Variants in DTNA observed in about 807,000 individuals in gnomAD.
The protein encoded by DTNA is dystrophin-related protein 3.
In DTNA, 43 loss-of-function variants were observed where a neutral mutation model predicts 100.7. The ratio of observed to expected loss-of-function variants is 0.43; its 90% CI spans 0.33 to 0.55. The LOEUF (loss-of-function observed/expected upper bound fraction) is 0.55, where lower values mean the gene tolerates loss of function less well. DTNA is among the 20% of genes least tolerant of loss of function. The pLI, the probability that DTNA is intolerant of heterozygous loss-of-function variation, is 0.04. For missense variants in DTNA, 798 were observed against 953.9 expected (o/e 0.84, Z 2.15); for synonymous variants, 349 against 347.9 (o/e 1.00, Z -0.04).
chr18:34,753,380 T>A (rs2092519068), intron 1 of DTNA, among the ~76,000 whole-genome samples: 2 of 2,786 alleles, frequency 7.2e-4, no homozygotes, highest in African/African-American at 3.0e-3. Context: ...TTTTTTTTTT[T>A]TTATTTTTTA....
At chr18:34,738,488 A>G (rs1355039117) in intron 1 of DTNA, among the ~76,000 whole-genome samples, 15 of 141,716 alleles carry the variant, frequency 1.1e-4, no homozygotes, top group Admixed American at 1.0e-3. Flanking sequence ...GCTTTTTGCC[A>G]TTTAAAACAT....
At chr18:34,500,610 C>A (rs2039802667) in intron 1 of DTNA, among the ~76,000 whole-genome samples, 1 of 151,288 alleles carries the variant, frequency 6.6e-6, no homozygotes, top group South Asian at 2.1e-4. Context: ...ATTACAGGCA[C>A]CCACCCCCAC....
At chr18:34,770,416 T>C (rs958482720) in intron 3 of DTNA, among the ~76,000 whole-genome samples, 2 of 152,220 alleles carry the variant, frequency 1.3e-5, no homozygotes, top group Non-Finnish European at 2.9e-5. Flanking sequence ...ATTTCTTTTT[T>C]ATCTATTATC....
chr18:34,644,777 G>C (rs182448649), intron 1 of DTNA, among the ~76,000 whole-genome samples: 15 of 152,176 alleles, frequency 9.9e-5, no homozygotes, highest in Admixed American at 8.5e-4. Flanking sequence ...GCGTTTCCTA[G>C]TATTGCTGCA....
At chr18:34,748,671 A>T (rs1187846586) in intron 1 of DTNA, among the ~76,000 whole-genome samples, 1 of 152,056 alleles carries the variant, frequency 6.6e-6, no homozygotes, top group East Asian at 1.9e-4. Context: ...CTATGTGCTT[A>T]TTTTTATACC....
chr18:34,590,565 G>T (rs2049609130), intron 1 of DTNA, among the ~76,000 whole-genome samples: 1 of 152,108 alleles, frequency 6.6e-6, no homozygotes. Flanking sequence ...TGAACACCTT[G>T]GTCACCCCTG....
chr18:34,768,640 G>A (rs746523143), intron 3 of DTNA, among the ~76,000 whole-genome samples: 8 of 152,200 alleles, frequency 5.3e-5, no homozygotes, highest in Non-Finnish European at 1.0e-4. Flanking sequence ...TAGAGAAGAA[G>A]TGAGGATGCT....
intron 1 of DTNA, among the ~76,000 whole-genome samples, chr18:34,505,307 C>A (rs2040377542): frequency 6.6e-6 from 1 of 152,190 alleles, no homozygotes; most frequent in African/African-American, 2.4e-5. Flanking sequence ...CTCTTTGCCT[C>A]CCTCCTTTAA....
At chr18:34,607,245 G>C (rs1041506564) in intron 1 of DTNA, among the ~76,000 whole-genome samples, 6 of 152,152 alleles carry the variant, frequency 3.9e-5, no homozygotes, top group Non-Finnish European at 2.9e-5. Context: ...TGACTGAGAA[G>C]TGCAGCTGTA....
chr18:34,761,326 TA>T (rs2148379210), intron 2 of DTNA, among the ~76,000 whole-genome samples: 1 of 152,300 alleles, frequency 6.6e-6, no homozygotes, highest in East Asian at 1.9e-4. Context: ...AATGGCTATA[TA>T]ATGAGCTATC....
At chr18:34,877,876 C>T in intron 19 of DTNA, 68 bp downstream of exon 19, 1 of 1,273,876 alleles carries the variant, frequency 7.9e-7, no homozygotes, top group East Asian at 2.3e-5. Flanking sequence ...AGGGGTCTCT[C>T]TTAGAGATCT....
intron 1 of DTNA, among the ~76,000 whole-genome samples, chr18:34,533,042 A>G (rs1601564659): frequency 6.6e-6 from 1 of 152,054 alleles, no homozygotes; most frequent in Non-Finnish European, 1.5e-5. Flanking sequence ...ACTTTGGGAG[A>G]TGTCAAAAGT....
intron 1 of DTNA, among the ~76,000 whole-genome samples, chr18:34,731,246 G>A (rs935249376): frequency 2.6e-5 from 4 of 152,128 alleles, no homozygotes; most frequent in Non-Finnish European, 5.9e-5. Context: ...TTGGGAGGCC[G>A]AGGCGGGTGG....
rs552556332 is a variant in DTNA at position 34,827,769 on chromosome 18, A to G, written c.1085+93A>G. The G allele has an allele frequency of 1.7e-5, 21 of 1,259,270 alleles. No homozygotes were observed. In the East Asian group the frequency reaches 4.2e-4, roughly 25 times the overall value. 78.0% of individuals were successfully genotyped at this position (1,259,270 alleles called of 1,614,324 possible). On this transcript the variant is annotated intron_variant, in intron 10 of 22. Transcript: ENST00000444659. The stretch of plus-strand genomic sequence containing the variant: ...AAATATTCTCATGCAAGCCAAGGGC[A>G]GAATATTGTTACTAGAAACTAACTT...
chr18:34,696,433 C>T (rs1467446309), intron 1 of DTNA, among the ~76,000 whole-genome samples: 2 of 152,076 alleles, frequency 1.3e-5, no homozygotes, highest in Non-Finnish European at 2.9e-5. Context: ...CAAAAATTAG[C>T]TGGGCCTGGT....
Position 34,882,054 on chromosome 18 carries a change from G to A in DTNA, c.2163-15G>A, listed in dbSNP as rs2096878641. 1 of 1,613,944 alleles carries A rather than the reference G, an allele frequency of 6.2e-7. No individual in the cohort carries two copies. Among genetic ancestry groups the A allele is most frequent in the Non-Finnish European group, 8.5e-7 (1 of 1,179,968 alleles). On this transcript the variant is annotated splice_polypyrimidine_tract_variant and intron_variant, in intron 20 of 22. Coordinates refer to ENST00000444659, the MANE Select transcript of DTNA (RefSeq NM_001386795.1). ...TAAGATTTGCTCTAACATGTCATCT[G>A]TGGTTTATTTTCAGGGTTACGGAGG... is the stretch of plus-strand genomic sequence containing the variant.
chr18:34,556,495 G>T (rs2046065775), intron 1 of DTNA, among the ~76,000 whole-genome samples: 1 of 151,820 alleles, frequency 6.6e-6, no homozygotes, highest in Non-Finnish European at 1.5e-5. Flanking sequence ...GCATGATTTT[G>T]CAGCGGCTGG....
upstream of DTNA, among the ~76,000 whole-genome samples, chr18:34,706,194 C>A (rs549938532): frequency 6.6e-6 from 1 of 152,142 alleles, no homozygotes; most frequent in Non-Finnish European, 1.5e-5. Context: ...GTGATCCACT[C>A]GCCTCGGCCT....
intron 1 of DTNA, among the ~76,000 whole-genome samples, chr18:34,498,445 A>T (rs774498398): frequency 5.6e-4 from 32 of 57,170 alleles, no homozygotes; most frequent in African/African-American, 1.2e-3. Flanking sequence ...AAAATAATAT[A>T]ATAATAATAA....
Sources: gnomAD v4.1 joint callset for allele counts (sites outside exome capture counted in the v4.1 genomes callset) on GRCh38, gnomAD v4.1.1 for gene constraint, MANE v1.5 for transcripts, NCBI Gene and HGNC (gene_info 2026-07-23, HGNC 2026-07-21) for gene names.